PXK: variants seen among roughly 807,000 people sequenced by gnomAD.
The protein encoded by PXK is PX domain containing serine/threonine kinase like, also known as PX domain-containing protein kinase-like protein.
In PXK, 35 loss-of-function variants were observed where a neutral mutation model predicts 84.7. That is an observed-to-expected ratio of 0.41 (90% CI 0.32 to 0.55). PXK has a LOEUF of 0.55. PXK is among the 20% of genes least tolerant of loss of function. PXK has a pLI of 0.21. For synonymous variants in PXK, 253 were observed against 260.8 expected (o/e 0.97, Z 0.29); for missense variants, 634 against 699.7 (o/e 0.91, Z 1.06).
chr3:58,349,038 A>G (rs1339352162), intron 1 of PXK, among the ~76,000 whole-genome samples: 1 of 152,160 alleles, frequency 6.6e-6, no homozygotes, highest in Non-Finnish European at 1.5e-5. Flanking sequence ...CAGTAGCCAC[A>G]TATTGCTTGT....
intron 4 of PXK, among the ~76,000 whole-genome samples, chr3:58,384,661 C>T (rs1386531359): frequency 6.6e-6 from 1 of 152,186 alleles, no homozygotes; most frequent in Non-Finnish European, 1.5e-5. Flanking sequence ...CAAATCAGCC[C>T]TAACCCAGGC....
intron 1 of PXK, among the ~76,000 whole-genome samples, chr3:58,339,795 T>A (rs1406933809): frequency 6.6e-6 from 1 of 151,970 alleles, no homozygotes; most frequent in East Asian, 1.9e-4. Context: ...ATTGTGATCT[T>A]GAGATTGTTC....
At position 58,379,599 on chromosome 3, in the gene PXK, G is replaced by A. The variant is rs914631458; in HGVS notation, c.202-2915G>A. Reference sequence around the variant, plus strand: ...GGAACCATCAGGAAGCAGAAGGTATGCAGTGAGAAGAATGCTTTAGACTCT... The same window carrying A: ...GGAACCATCAGGAAGCAGAAGGTATACAGTGAGAAGAATGCTTTAGACTCT... On this transcript the variant is annotated intron_variant, in intron 3 of 17. Coordinates refer to ENST00000356151, the MANE Select transcript of PXK (RefSeq NM_017771.5). This position sits in a 1 kb window ranked among gnomAD's most constrained non-coding sequence, Gnocchi z 5.1. 6.6e-6 allele frequency: 1 copy of A among 152,382 alleles called. No individual in the cohort carries two copies. Among genetic ancestry groups the A allele is most frequent in the African/African-American group, 2.4e-5 (1 of 41,400 alleles). The allele number at this position is 152,382 out of a possible 1,614,324, so 9.4% of individuals were successfully genotyped here.
At chr3:58,384,941 C>A (rs889315177) in intron 4 of PXK, among the ~76,000 whole-genome samples, 1 of 152,158 alleles carries the variant, frequency 6.6e-6, no homozygotes, top group African/African-American at 2.4e-5. Context: ...AATGAGTTCA[C>A]CTAAGGCCCC....
At chr3:58,361,355 C>G (rs989121768) in intron 1 of PXK, among the ~76,000 whole-genome samples, 2 of 149,454 alleles carry the variant, frequency 1.3e-5, no homozygotes, top group Non-Finnish European at 3.0e-5. Context: ...ACTCAATTTT[C>G]TCCAATGGTA....
At chr3:58,423,118 A>G (rs13320620) in intron 17 of PXK, 83,100 of 985,018 alleles carry the variant, frequency 0.084, 3,695 homozygotes, top group South Asian at 0.11. Context: ...AACCTTCAGC[A>G]GAGGTCTCCC....
At chr3:58,339,229 T>G (rs1480174784) in intron 1 of PXK, among the ~76,000 whole-genome samples, 6 of 143,214 alleles carry the variant, frequency 4.2e-5, no homozygotes, top group South Asian at 2.1e-4. Flanking sequence ...TTTTTTTTTG[T>G]TTTTTTTTGT....
chr3:58,378,629 G>A (rs1003947433), intron 3 of PXK, among the ~76,000 whole-genome samples: 11 of 148,232 alleles, frequency 7.4e-5, no homozygotes, highest in African/African-American at 2.7e-4. Flanking sequence ...CTGCCTCCCA[G>A]GTTCAAGCGA....
At chr3:58,342,665 G>A (rs866039040) in intron 1 of PXK, among the ~76,000 whole-genome samples, 1,536 of 138,074 alleles carry the variant, frequency 0.011, 37 homozygotes, top group African/African-American at 0.039. Context: ...AAGAAAAAAA[G>A]AAAGAAAAAC....
At chr3:58,340,110 G>A (rs1369242792) in intron 1 of PXK, among the ~76,000 whole-genome samples, 4 of 145,002 alleles carry the variant, frequency 2.8e-5, no homozygotes, top group Admixed American at 6.8e-5. Flanking sequence ...CAGCCACTGC[G>A]CCTGGCCGAT....
chr3:58,392,930 G>T (rs1227504544), intron 7 of PXK, among the ~76,000 whole-genome samples: 1 of 152,032 alleles, frequency 6.6e-6, no homozygotes, highest in Non-Finnish European at 1.5e-5. Context: ...AAAGTGCTGG[G>T]ATGACAGGTG....
At chr3:58,351,343 T>G (rs2097918635) in intron 1 of PXK, among the ~76,000 whole-genome samples, 1 of 151,758 alleles carries the variant, frequency 6.6e-6, no homozygotes, top group African/African-American at 2.4e-5. Flanking sequence ...TCCACCCGCC[T>G]CAGCCCCCCA....
chr3:58,374,201 A>G (rs1168618048), intron 3 of PXK, among the ~76,000 whole-genome samples: 4 of 98,362 alleles, frequency 4.1e-5, no homozygotes, highest in African/African-American at 1.6e-4. Flanking sequence ...AGACAGTCTC[A>G]CTCTGTTGCC....
At chr3:58,395,618 C>T (rs769119521) in intron 8 of PXK, 40 bp from the exon 9 acceptor site, 8 of 1,498,276 alleles carry the variant, frequency 5.3e-6, no homozygotes, top group Non-Finnish European at 7.4e-6. Context: ...ATATTGGCCC[C>T]TCTGCTGCTT....
rs970403632 is a variant in PXK, at chr3:58,390,399, C to G, written c.389-183C>G. ...TACTTTTTCTATTCCAGGGTCCAAT[C>G]TAAAATCCCACATTGCATTTAGTTT... On this transcript the variant is annotated intron_variant, in intron 4 of 17. Transcript: ENST00000356151. The surrounding 1 kb of genome is among the most constrained non-coding windows in gnomAD (Gnocchi z 4.2). Among the ~76,000 whole-genome samples, 1 of 152,172 alleles carries G rather than the reference C, an allele frequency of 6.6e-6. No individual in the cohort carries two copies. Among genetic ancestry groups the G allele is most frequent in the East Asian group, 1.9e-4 (1 of 5,180 alleles).
At chr3:58,380,452 A>G (rs1373969667) in intron 3 of PXK, among the ~76,000 whole-genome samples, 2 of 150,584 alleles carry the variant, frequency 1.3e-5, no homozygotes, top group Non-Finnish European at 3.0e-5. Context: ...AAAAAAAGGC[A>G]TCAATATGCT....
Position 58,379,949 on chromosome 3 carries a change from G to GT in PXK, c.202-2564dup, listed in dbSNP as rs1472147438. ...ATCATGCCACTGCACTTTAGCCTGG[G>GT]TGACAGGGTGAGAACCTGTCTCAAA... is the stretch of plus-strand genomic sequence containing the variant. On this transcript the variant is annotated intron_variant, in intron 3 of 17. Transcript: ENST00000356151. This position sits in a 1 kb window ranked among gnomAD's most constrained non-coding sequence, Gnocchi z 5.1. 6.6e-6 allele frequency among the ~76,000 whole-genome samples: 1 copy of GT among 152,006 alleles called. No homozygotes were observed. The highest frequency in any genetic ancestry group is 2.4e-5 in the African/African-American group (1 of 41,376).
chr3:58,386,976 T>C (rs1255962552), intron 4 of PXK, among the ~76,000 whole-genome samples: 3 of 152,020 alleles, frequency 2.0e-5, no homozygotes, highest in African/African-American at 4.8e-5. Context: ...AGCAGGGTAT[T>C]TGGTGAGGTT....
At position 58,399,887 on chromosome 3, in the gene PXK, C is replaced by G. The variant is rs1221426841; in HGVS notation, c.1181+510C>G. On this transcript the variant is annotated intron_variant, in intron 12 of 17. Transcript: ENST00000356151. This position sits in a 1 kb window ranked among gnomAD's most constrained non-coding sequence, Gnocchi z 4.3. ...ACTATTTATTAAACTCTAGCATGTA[C>G]CAGGCACTGTTCTAGGGTCTTGGAG... is the stretch of plus-strand genomic sequence containing the variant. Among the ~76,000 whole-genome samples the G allele has an allele frequency of 1.3e-5, 2 of 152,002 alleles. No homozygotes were observed. The highest frequency in any genetic ancestry group is 2.9e-5 in the Non-Finnish European group (2 of 67,992).
Sources: allele counts gnomAD v4.1 joint callset (sites outside exome capture counted in the v4.1 genomes callset), GRCh38; gene constraint gnomAD v4.1.1; non-coding constraint Gnocchi (gnomAD v3.1); transcripts MANE v1.5; gene names NCBI Gene and HGNC (gene_info 2026-07-23, HGNC 2026-07-21).